WDFY1: variants seen among roughly 807,000 people sequenced by gnomAD.
The protein encoded by WDFY1 is WD repeat and FYVE domain-containing protein 1.
WDFY1 carries 32 observed loss-of-function variants against 56.4 expected under a neutral mutation model. That is an observed-to-expected ratio of 0.57 (90% CI 0.43 to 0.76). The LOEUF is 0.76. Ranked by LOEUF, WDFY1 falls within the 30% of genes least tolerant of loss-of-function variation. The pLI, the probability that WDFY1 is intolerant of heterozygous loss-of-function variation, is 0.00. For missense variants in WDFY1, 480 were observed against 545.7 expected (o/e 0.88, Z 1.20); for synonymous variants, 192 against 197.3 (o/e 0.97, Z 0.23).
At chr2:223,909,525 T>A (rs1693657615) in intron 3 of WDFY1, among the ~76,000 whole-genome samples, 1 of 152,114 alleles carries the variant, frequency 6.6e-6, no homozygotes, top group Non-Finnish European at 1.5e-5. Flanking sequence ...GTTTTGTTTA[T>A]CCTGTGCCAA....
At chr2:223,930,567 G>A (rs1010032956) in intron 1 of WDFY1, among the ~76,000 whole-genome samples, 8 of 152,338 alleles carry the variant, frequency 5.3e-5, no homozygotes, top group Middle Eastern at 3.4e-3. Context: ...CTGACCTCAC[G>A]TGATCCGCCC....
At chr2:223,924,536 G>A (rs181194400) in intron 1 of WDFY1, among the ~76,000 whole-genome samples, 1 of 152,064 alleles carries the variant, frequency 6.6e-6, no homozygotes, top group Non-Finnish European at 1.5e-5. Flanking sequence ...GCTAATTTTT[G>A]TATTTTTAGT....
At chr2:223,897,217 C>T (rs1693396056) in intron 6 of WDFY1, among the ~76,000 whole-genome samples, 1 of 151,670 alleles carries the variant, frequency 6.6e-6, no homozygotes, top group South Asian at 2.1e-4. Flanking sequence ...CCCAGTTCTC[C>T]ATAAACCAGA....
chr2:223,920,590 A>C (rs1693871188), intron 1 of WDFY1, among the ~76,000 whole-genome samples: 1 of 152,244 alleles, frequency 6.6e-6, no homozygotes, highest in Non-Finnish European at 1.5e-5. Context: ...GTCTCCTTTC[A>C]GGAGTAAGAG....
intron 3 of WDFY1, among the ~76,000 whole-genome samples, chr2:223,908,920 A>G (rs1185538302): frequency 6.6e-6 from 1 of 152,138 alleles, no homozygotes; most frequent in Non-Finnish European, 1.5e-5. Flanking sequence ...CTTCCCGGAC[A>G]GTTCTTGAGG....
chr2:223,930,190 G>C (rs182636426), intron 1 of WDFY1, among the ~76,000 whole-genome samples: 1 of 152,150 alleles, frequency 6.6e-6, no homozygotes, highest in Non-Finnish European at 1.5e-5. Context: ...TAGCTACAGC[G>C]TGCGATATTG....
chr2:223,918,427 G>C (rs1693829778), intron 1 of WDFY1, among the ~76,000 whole-genome samples: 1 of 152,054 alleles, frequency 6.6e-6, no homozygotes, highest in African/African-American at 2.4e-5. Flanking sequence ...AGGAGATCAA[G>C]ACCATCTTGG....
chr2:223,941,074 G>A (rs927787292), intron 1 of WDFY1, among the ~76,000 whole-genome samples: 1 of 151,932 alleles, frequency 6.6e-6, no homozygotes, highest in African/African-American at 2.4e-5. Flanking sequence ...CACCCGCCTC[G>A]GCCTCCCAAA....
chr2:223,900,903 A>C, intron 5 of WDFY1: 1 of 315,588 alleles, frequency 3.2e-6, no homozygotes, highest in Non-Finnish European at 5.8e-6. Context: ...AGCACCTCCC[A>C]GCACAGAACA....
chr2:223,942,863 T>C (rs1689335028), intron 1 of WDFY1, among the ~76,000 whole-genome samples: 1 of 151,342 alleles, frequency 6.6e-6, no homozygotes, highest in Admixed American at 6.6e-5. Flanking sequence ...GAGTGTTGTC[T>C]GCATCTACGT....
intron 6 of WDFY1, among the ~76,000 whole-genome samples, chr2:223,897,384 A>ATTTTT (rs1441035020): frequency 0.024 from 2,827 of 117,342 alleles, 130 homozygotes; most frequent in Middle Eastern, 0.041. Context: ...ATATATATAT[A>ATTTTT]TATATATTTT....
At chr2:223,929,716 G>A (rs1044154574) in intron 1 of WDFY1, among the ~76,000 whole-genome samples, 1 of 152,134 alleles carries the variant, frequency 6.6e-6, no homozygotes, top group Admixed American at 6.5e-5. Context: ...CATCCTGATG[G>A]CAGGGATGAC....
At chr2:223,919,532 T>G (rs1693855530) in intron 1 of WDFY1, among the ~76,000 whole-genome samples, 1 of 152,132 alleles carries the variant, frequency 6.6e-6, no homozygotes, top group African/African-American at 2.4e-5. Context: ...TTTTTTAAGA[T>G]GCAGTCTTGC....
At chr2:223,941,119 G>A (rs1039402138) in intron 1 of WDFY1, among the ~76,000 whole-genome samples, 1 of 151,980 alleles carries the variant, frequency 6.6e-6, no homozygotes, top group Non-Finnish European at 1.5e-5. Context: ...ACTGCACCCA[G>A]CCAATTTTTG....
intron 1 of WDFY1, among the ~76,000 whole-genome samples, chr2:223,918,933 C>G (rs575183907): frequency 8.5e-5 from 13 of 152,214 alleles, no homozygotes; most frequent in Admixed American, 8.5e-4. Flanking sequence ...GGAACATGCA[C>G]AGGGTGATGA....
intron 1 of WDFY1, among the ~76,000 whole-genome samples, chr2:223,930,699 T>C (rs1276011413): frequency 1.3e-5 from 2 of 152,234 alleles, no homozygotes; most frequent in African/African-American, 2.4e-5. Context: ...TACTGGGTCC[T>C]GAGGCCTGGT....
intron 6 of WDFY1, among the ~76,000 whole-genome samples, chr2:223,896,784 G>C (rs1402590108): frequency 6.6e-6 from 1 of 152,112 alleles, no homozygotes; most frequent in East Asian, 1.9e-4. Flanking sequence ...TTCTGCAAAG[G>C]CTTCAGGGGT....
chr2:223,900,857 G>T, intron 5 of WDFY1: 1 of 204,622 alleles, frequency 4.9e-6, no homozygotes, highest in Non-Finnish European at 9.8e-6. Flanking sequence ...GCATTAATGG[G>T]CTTGGGTTTT....
intron 4 of WDFY1, among the ~76,000 whole-genome samples, chr2:223,904,111 T>C (rs1289182762): frequency 2.0e-5 from 3 of 152,220 alleles, no homozygotes; most frequent in Non-Finnish European, 4.4e-5. Flanking sequence ...CTTCTGGTGT[T>C]ATAATAACAC....
Sources: allele counts gnomAD v4.1 joint callset (sites outside exome capture counted in the v4.1 genomes callset), GRCh38; gene constraint gnomAD v4.1.1; transcripts MANE v1.5; gene names NCBI Gene and HGNC (gene_info 2026-07-23, HGNC 2026-07-21).